Variants in TRRAP observed in about 807,000 individuals in gnomAD.
TRRAP encodes transformation/transcription domain-associated protein.
TRRAP carries 41 observed loss-of-function variants against 438.8 expected under a neutral mutation model. The observed-to-expected ratio is 0.09, with a 90% confidence interval of 0.07 to 0.12. The LOEUF (loss-of-function observed/expected upper bound fraction) is 0.12, where lower values mean the gene tolerates loss of function less well. TRRAP is among the 10% of genes least tolerant of loss of function. The probability of loss-of-function intolerance (pLI) is 1.00; values close to 1 mark genes in which losing one functional copy is unlikely to be tolerated. For missense variants in TRRAP, 3,122 were observed against 5,055.1 expected (o/e 0.62, Z 11.60); for synonymous variants, 1,994 against 1,962.9 (o/e 1.02, Z -0.42).
chr7:98,973,271 C>G (rs1032448937), intron 53 of TRRAP, among the ~76,000 whole-genome samples: 1 of 152,126 alleles, frequency 6.6e-6, no homozygotes, highest in Non-Finnish European at 1.5e-5. Context: ...TCTTAATAGA[C>G]CCATGTCCCT....
At chr7:98,911,936 TTA>T in intron 17 of TRRAP, 84 bp from the exon 18 acceptor site, 2 of 1,256,642 alleles carry the variant, frequency 1.6e-6, no homozygotes, top group South Asian at 2.9e-5. Context: ...AGGCTTGGTT[TTA>T]TGTTTTTTGA....
At chr7:98,960,692 A>G (rs1231295116) in intron 45 of TRRAP, among the ~76,000 whole-genome samples, 1 of 152,034 alleles carries the variant, frequency 6.6e-6, no homozygotes, top group African/African-American at 2.4e-5. Context: ...CCCGGGTTCA[A>G]GCGATTCTCA....
chr7:98,955,084 C>T lies in TRRAP; in HGVS notation c.5731-14C>T. On this transcript the variant is annotated splice_polypyrimidine_tract_variant and intron_variant, in intron 40 of 72. Coordinates refer to ENST00000456197, the MANE Select transcript of TRRAP (RefSeq NM_001375524.1). ...TCCTTCTCATCCTCCATAAACGTCT[C>T]TTCCCTGTTTTAGGTTTTTCATAGT... 6.2e-7 allele frequency: 1 copy of T among 1,606,182 alleles called. No homozygotes were observed. Among genetic ancestry groups the T allele is most frequent in the Non-Finnish European group, 8.5e-7 (1 of 1,173,524 alleles).
rs552815789 is a variant in TRRAP at position 98,924,329 on chromosome 7, CTATTAAAGCTG to C, written c.2824-767_2824-757del. On this transcript the variant is annotated intron_variant, in intron 21 of 72. Coordinates refer to ENST00000456197, the MANE Select transcript of TRRAP (RefSeq NM_001375524.1). ...TTTGGAAGCTTCACCAGGTGAATAC[CTATTAAAGCTG>C]TATTAAAGCTGTATTGTATTAAAGC... Among the ~76,000 whole-genome samples the C allele has an allele frequency of 1.7e-3, 264 of 152,272 alleles. 1 individual carries two copies. The highest frequency in any genetic ancestry group is 4.2e-3 in the East Asian group (22 of 5,188).
intron 3 of TRRAP, among the ~76,000 whole-genome samples, chr7:98,888,555 G>A (rs1554404307): frequency 6.6e-6 from 1 of 152,280 alleles, no homozygotes; most frequent in East Asian, 1.9e-4. Flanking sequence ...CTTAAAAGTT[G>A]AACTCCTTTC....
At chr7:99,004,510 G>A in intron 68 of TRRAP, 95 bp downstream of exon 68, 1 of 1,064,310 alleles carries the variant, frequency 9.4e-7, no homozygotes, top group East Asian at 2.4e-5. Context: ...GGGGAATTTT[G>A]GACACAGATT....
At chr7:98,946,537 TACATGCACTCACACCAC>T (rs1562954194) in intron 33 of TRRAP, among the ~76,000 whole-genome samples, 2 of 130,194 alleles carry the variant, frequency 1.5e-5, no homozygotes, top group African/African-American at 3.0e-5. Flanking sequence ...ACTCACAACA[TACATGCACTCACACCAC>T]ACATGCACAC....
chr7:98,930,982 A>G, intron 25 of TRRAP, 152 bp downstream of exon 25: 1 of 1,038,946 alleles, frequency 9.6e-7, no homozygotes. Flanking sequence ...CTAAAAGGAC[A>G]GCTCAGAGCT....
chr7:98,999,426 A>G (rs1793818929), intron 67 of TRRAP: 2 of 1,044,218 alleles, frequency 1.9e-6, no homozygotes, highest in Non-Finnish European at 1.5e-6. Context: ...AGCTCCTCCA[A>G]AATCTAGCTC....
At chr7:98,912,316 C>G in intron 18 of TRRAP, 103 bp downstream of exon 18, 2 of 1,242,294 alleles carry the variant, frequency 1.6e-6, no homozygotes, top group Non-Finnish European at 1.1e-6. Context: ...GTTCTGGACT[C>G]AAGCAATCCA....
intron 19 of TRRAP, among the ~76,000 whole-genome samples, chr7:98,916,891 C>T (rs1789542204): frequency 6.6e-6 from 1 of 152,138 alleles, no homozygotes; most frequent in South Asian, 2.1e-4. Context: ...TCCTGCCTTC[C>T]TGTGCCGTGC....
intron 28 of TRRAP, among the ~76,000 whole-genome samples, chr7:98,936,130 T>C (rs922419766): frequency 2.6e-5 from 4 of 152,220 alleles, no homozygotes; most frequent in African/African-American, 9.6e-5. Flanking sequence ...ATAGACTAGA[T>C]CTGTATTGGC....
chr7:98,986,050 C>A (rs940486942), intron 62 of TRRAP, among the ~76,000 whole-genome samples: 3 of 152,154 alleles, frequency 2.0e-5, no homozygotes, highest in Admixed American at 6.5e-5. Context: ...ACTGTGTGGC[C>A]TTTTGTGACT....
intron 51 of TRRAP, 27 bp downstream of exon 51, chr7:98,967,725 G>A: frequency 2.5e-6 from 4 of 1,601,126 alleles, no homozygotes; most frequent in Non-Finnish European, 2.6e-6. Context: ...CACATCTGTG[G>A]CCGGGGGCAG....
intron 5 of TRRAP, among the ~76,000 whole-genome samples, chr7:98,893,371 C>A (rs1796060205): frequency 6.6e-6 from 1 of 152,200 alleles, no homozygotes; most frequent in Non-Finnish European, 1.5e-5. Flanking sequence ...GTGCTTAACC[C>A]CTGAGATATC....
intron 24 of TRRAP, among the ~76,000 whole-genome samples, 196 bp from the exon 25 acceptor site, chr7:98,930,437 G>A (rs1790274592): frequency 6.6e-6 from 1 of 152,150 alleles, no homozygotes; most frequent in Admixed American, 6.5e-5. Context: ...AATTAGCCAG[G>A]CGTGGTGGCG....
At position 98,953,031 on chromosome 7, in the gene TRRAP, TTG is replaced by T. The variant is rs57047314; in HGVS notation, c.5464-88_5464-87del. On this transcript the variant is annotated intron_variant, in intron 39 of 72. Coordinates refer to ENST00000456197, the MANE Select transcript of TRRAP (RefSeq NM_001375524.1). ...CCTCCTTGTAAAACTTCATGTTACA[TTG>T]TGTGTGTGTGTGTGTGTGTGTGTGT... is the stretch of plus-strand genomic sequence containing the variant. 7.4e-3 allele frequency: 8,601 copies of T among 1,159,702 alleles called. 86 individuals carry two copies. Among genetic ancestry groups the T allele is most frequent in the African/African-American group, 0.054 (2,892 of 53,182 alleles). The allele number at this position is 1,159,702 out of a possible 1,614,324, so 71.8% of individuals were successfully genotyped here.
In TRRAP at chr7:98,937,136, C is replaced by A; in HGVS notation, c.4112-20C>A. 1 of 1,585,392 alleles carries A rather than the reference C, an allele frequency of 6.3e-7. No individual in the cohort carries two copies. Among genetic ancestry groups the A allele is most frequent in the South Asian group, 1.2e-5 (1 of 85,900 alleles). ...TCTTTCCAGTTAATAATGGAATTGT[C>A]TTGATTTCTCTCCCTGAAGATGCAC... On this transcript the variant is annotated intron_variant, in intron 28 of 72. Transcript: ENST00000456197.
At chr7:98,892,398 TA>T in intron 4 of TRRAP, 25 bp from the exon 5 acceptor site, 1 of 1,566,616 alleles carries the variant, frequency 6.4e-7, no homozygotes, top group Non-Finnish European at 8.8e-7. Flanking sequence ...TTTTTATCCT[TA>T]CATTTATTTA....
Sources: gnomAD v4.1 joint callset for allele counts (sites outside exome capture counted in the v4.1 genomes callset) on GRCh38, gnomAD v4.1.1 for gene constraint, MANE v1.5 for transcripts, NCBI Gene and HGNC (gene_info 2026-07-23, HGNC 2026-07-21) for gene names.